Variants in TSHZ2 observed in about 807,000 individuals in gnomAD.
TSHZ2 encodes teashirt zinc finger homeobox 2, also known as teashirt homolog 2.
In TSHZ2, 21 loss-of-function variants were observed where a neutral mutation model predicts 74.4. That is an observed-to-expected ratio of 0.28 (90% CI 0.20 to 0.41). The LOEUF (loss-of-function observed/expected upper bound fraction) is 0.41, where lower values mean the gene tolerates loss of function less well. Ranked by LOEUF, TSHZ2 falls within the 10% of genes least tolerant of loss-of-function variation. TSHZ2 has a pLI of 1.00. For synonymous variants in TSHZ2, 540 were observed against 515.3 expected (o/e 1.05, Z -0.65); for missense variants, 1,244 against 1,293.5 (o/e 0.96, Z 0.59).
At chr20:53,121,762 G>C (rs1986816962) in intron 1 of TSHZ2, among the ~76,000 whole-genome samples, 1 of 152,076 alleles carries the variant, frequency 6.6e-6, no homozygotes, top group Non-Finnish European at 1.5e-5. Flanking sequence ...GACTGCCAGG[G>C]TGTGGCTTTT....
At chr20:53,305,979 A>G (rs1996018) in intron 2 of TSHZ2, among the ~76,000 whole-genome samples, 18,820 of 151,490 alleles carry the variant, frequency 0.12, 1,425 homozygotes, top group African/African-American at 0.21. Flanking sequence ...CTCTGTGAAA[A>G]AAAAAAAAAA....
chr20:53,274,398 T>C (rs189728427), intron 2 of TSHZ2, among the ~76,000 whole-genome samples: 4 of 152,370 alleles, frequency 2.6e-5, no homozygotes, highest in African/African-American at 7.2e-5. Flanking sequence ...CTCTCCATTC[T>C]GTAATTCAGC....
chr20:53,339,325 C>G (rs1980083026), intron 2 of TSHZ2, among the ~76,000 whole-genome samples: 1 of 151,996 alleles, frequency 6.6e-6, no homozygotes, highest in Non-Finnish European at 1.5e-5. Flanking sequence ...GTTCATTGGC[C>G]AAGGTGGCTG....
chr20:53,437,729 T>C (rs577961784), intron 2 of TSHZ2, among the ~76,000 whole-genome samples: 3 of 152,294 alleles, frequency 2.0e-5, no homozygotes, highest in Non-Finnish European at 4.4e-5. Context: ...GTTTGGGTTA[T>C]GGGGGCAGAT....
intron 1 of TSHZ2, among the ~76,000 whole-genome samples, chr20:53,114,483 C>T (rs1280564596): frequency 2.0e-5 from 3 of 152,150 alleles, no homozygotes; most frequent in East Asian, 3.9e-4. Context: ...CAAACTATTC[C>T]GTATACAGTA....
chr20:53,324,717 A>G (rs1250294219), intron 2 of TSHZ2, among the ~76,000 whole-genome samples: 1 of 152,182 alleles, frequency 6.6e-6, no homozygotes, highest in Non-Finnish European at 1.5e-5. Flanking sequence ...GACCTCAGGA[A>G]GAGCTAGTAG....
intron 2 of TSHZ2, among the ~76,000 whole-genome samples, chr20:53,327,676 G>T (rs1392201444): frequency 6.6e-6 from 1 of 152,198 alleles, no homozygotes; most frequent in Admixed American, 6.5e-5. Flanking sequence ...CTGAGCTAGG[G>T]CTGGGAAATC....
Position 53,475,184 on chromosome 20 carries a change from C to T in TSHZ2, c.*9-11960C>T, listed in dbSNP as rs1160720501. ...TAATGGACATCTACATAACTCTCCACCCCAAATCAACAGAATATACATTTT... is the reference window on the plus strand; with the variant it reads ...TAATGGACATCTACATAACTCTCCATCCCAAATCAACAGAATATACATTTT... On this transcript the variant is annotated intron_variant, in intron 2 of 2. Transcript: ENST00000371497. Among the ~76,000 whole-genome samples the T allele has an allele frequency of 6.4e-5, 9 of 139,826 alleles. 1 individual carries two copies. The highest frequency in any genetic ancestry group is 2.5e-4 in the African/African-American group (9 of 35,830). The allele number at this position is 139,826 out of a possible 152,430, so 91.7% of individuals were successfully genotyped here. A position where few individuals can be genotyped will look rare whatever the true frequency, so the allele number is the denominator to read the frequency against.
chr20:53,349,363 G>T (rs898169504), intron 2 of TSHZ2, among the ~76,000 whole-genome samples: 4 of 152,194 alleles, frequency 2.6e-5, no homozygotes, highest in Non-Finnish European at 5.9e-5. Context: ...TTCAGTAATT[G>T]TGTAGTGGCC....
At chr20:53,049,563 T>C (rs1984349335) in intron 1 of TSHZ2, among the ~76,000 whole-genome samples, 2 of 152,266 alleles carry the variant, frequency 1.3e-5, no homozygotes, top group Admixed American at 1.3e-4. Flanking sequence ...GTCTTCACCA[T>C]TAGGTAGTGC....
intron 1 of TSHZ2, among the ~76,000 whole-genome samples, chr20:53,224,869 AAG>A (rs1989647324): frequency 6.6e-6 from 1 of 151,982 alleles, no homozygotes; most frequent in African/African-American, 2.4e-5. Flanking sequence ...AAAAAAAAAA[AAG>A]AACTTAATAA....
intron 2 of TSHZ2, among the ~76,000 whole-genome samples, chr20:53,455,719 C>A (rs1017271162): frequency 6.6e-6 from 1 of 151,498 alleles, no homozygotes; most frequent in Admixed American, 6.6e-5. Context: ...CCCCGCCCCA[C>A]CCCACAACAG....
chr20:52,977,060 A>G (rs533708710), intron 1 of TSHZ2, among the ~76,000 whole-genome samples: 1 of 152,226 alleles, frequency 6.6e-6, no homozygotes, highest in Non-Finnish European at 1.5e-5. Context: ...GGTTATTTAC[A>G]TGGGAAACAT....
intron 1 of TSHZ2, among the ~76,000 whole-genome samples, chr20:53,043,501 T>G (rs750702104): frequency 6.6e-6 from 1 of 152,154 alleles, no homozygotes; most frequent in African/African-American, 2.4e-5. Flanking sequence ...CTTGTAACCC[T>G]AAGTGTCTGA....
chr20:52,983,054 G>A (rs541454284), intron 1 of TSHZ2, among the ~76,000 whole-genome samples: 11 of 152,206 alleles, frequency 7.2e-5, no homozygotes, highest in Non-Finnish European at 1.5e-4. Flanking sequence ...GATGATAGAG[G>A]TGGCAGCTGG....
At chr20:53,426,087 AG>A (rs1487404200) in intron 2 of TSHZ2, among the ~76,000 whole-genome samples, 44 of 152,348 alleles carry the variant, frequency 2.9e-4, no homozygotes, top group Admixed American at 1.7e-3. Flanking sequence ...CAGGATAAAC[AG>A]GGGAGGACAA....
At chr20:53,008,949 C>G (rs1442148549) in intron 1 of TSHZ2, among the ~76,000 whole-genome samples, 4 of 150,632 alleles carry the variant, frequency 2.7e-5, no homozygotes, top group African/African-American at 9.8e-5. Context: ...ATAATATACT[C>G]TAGTAGAAGT....
intron 2 of TSHZ2, among the ~76,000 whole-genome samples, chr20:53,469,072 T>C (rs1206753362): frequency 1.5e-5 from 2 of 130,028 alleles, no homozygotes; most frequent in African/African-American, 2.9e-5. Flanking sequence ...TATATATATA[T>C]ATATATATAT....
chr20:53,404,663 T>C (rs1050743479), intron 2 of TSHZ2, among the ~76,000 whole-genome samples: 1 of 152,232 alleles, frequency 6.6e-6, no homozygotes, highest in Non-Finnish European at 1.5e-5. Flanking sequence ...CCCTAGTCTC[T>C]ATTAATATGC....
Sources: gnomAD v4.1 joint callset for allele counts (sites outside exome capture counted in the v4.1 genomes callset) on GRCh38, gnomAD v4.1.1 for gene constraint, MANE v1.5 for transcripts, NCBI Gene and HGNC (gene_info 2026-07-23, HGNC 2026-07-21) for gene names.